The following OR1L8 variants were observed in gnomAD, a reference collection of about 807,000 sequenced individuals.
The protein encoded by OR1L8 is olfactory receptor 1L8.
For missense variants in OR1L8, 330 were observed against 377.4 expected, an observed-to-expected ratio of 0.87 and a Z score of 1.04; for synonymous variants, 148 against 147.0, an observed-to-expected ratio of 1.01 and a Z score of -0.05.
intron 3 of OR1L8, among the ~76,000 whole-genome samples, chr9:122,574,613 T>TAGAC (rs1204465684): frequency 3.4e-5 from 5 of 146,438 alleles, no homozygotes; most frequent in African/African-American, 1.2e-4. Context: ...ATTTTCTATA[T>TAGAC]AGACAATCAA....
chr9:122,568,719 A>G (rs548697655), intron 4 of OR1L8, 30 bp from the exon 5 acceptor site: 34 of 393,414 alleles, frequency 8.6e-5, no homozygotes, highest in East Asian at 6.8e-4. Flanking sequence ...GTTTTCCTTT[A>G]GAAACTTTCA....
At chr9:122,553,950 C>T in the OR1L8 span, 2 of 1,613,934 alleles carry the variant, frequency 1.2e-6, no homozygotes, top group East Asian at 4.5e-5. Flanking sequence ...CTGTGGTTCT[C>T]ATCTCACGGT....
chr9:122,552,570 A>C, the OR1L8 span, among the ~76,000 whole-genome samples: 1 of 151,932 alleles, frequency 6.6e-6, no homozygotes. Context: ...CTAACAGTGG[A>C]TGGGGGAGTA....
the OR1L8 span, among the ~76,000 whole-genome samples, chr9:122,561,127 A>T: frequency 2.0e-5 from 3 of 152,096 alleles, no homozygotes; most frequent in Non-Finnish European, 4.4e-5. Context: ...TTAGCTATTG[A>T]TACTTGCGTA....
At chr9:122,573,180 C>A (rs1829583442) in intron 3 of OR1L8, among the ~76,000 whole-genome samples, 1 of 152,150 alleles carries the variant, frequency 6.6e-6, no homozygotes, top group South Asian at 2.1e-4. Flanking sequence ...GGTGTGCTGA[C>A]CCCTCAGGGG....
intron 1 of OR1L8, among the ~76,000 whole-genome samples, chr9:122,579,398 C>G (rs1384559757): frequency 6.6e-6 from 1 of 152,078 alleles, no homozygotes; most frequent in Non-Finnish European, 1.5e-5. Flanking sequence ...TATCCCTTGT[C>G]TGGAGATTGC....
chr9:122,576,978 C>T (rs950719563), intron 2 of OR1L8, 77 bp from the exon 3 acceptor site: 1 of 152,096 alleles, frequency 6.6e-6, no homozygotes, highest in Non-Finnish European at 1.5e-5. Flanking sequence ...AAGATCCATA[C>T]ATGTTGGACC....
At chr9:122,548,523 G>A in the OR1L8 span, among the ~76,000 whole-genome samples, 1 of 152,104 alleles carries the variant, frequency 6.6e-6, no homozygotes, top group South Asian at 2.1e-4. Flanking sequence ...GACTCATTAG[G>A]AGATGGTTAT....
chr9:122,573,340 G>A (rs1829586396), intron 3 of OR1L8, among the ~76,000 whole-genome samples: 1 of 152,232 alleles, frequency 6.6e-6, no homozygotes, highest in Admixed American at 6.5e-5. Flanking sequence ...AATATCCGAA[G>A]GGAATGCTTC....
At chr9:122,565,222 A>G (rs1829409559), downstream of OR1L8, among the ~76,000 whole-genome samples, 1 of 152,220 alleles carries the variant, frequency 6.6e-6, no homozygotes, top group Non-Finnish European at 1.5e-5. Context: ...ACATGATTGG[A>G]AAATTGATGA....
chr9:122,555,323 C>A, the OR1L8 span, among the ~76,000 whole-genome samples: 1 of 152,158 alleles, frequency 6.6e-6, no homozygotes, highest in Admixed American at 6.6e-5. Flanking sequence ...TTTGGTCATT[C>A]TACCTCTCTC....
chr9:122,556,337 CTG>C, the OR1L8 span, among the ~76,000 whole-genome samples: 2 of 151,040 alleles, frequency 1.3e-5, no homozygotes, highest in South Asian at 2.1e-4. Context: ...GTTGAAGAGA[CTG>C]TTTTCTCCAT....
At chr9:122,553,346 C>T in the OR1L8 span, 4 of 1,613,956 alleles carry the variant, frequency 2.5e-6, no homozygotes, top group Non-Finnish European at 1.7e-6. Context: ...TGGTGGGGAA[C>T]CTGCTCATTA....
chr9:122,547,392 G>A, the OR1L8 span, among the ~76,000 whole-genome samples: 1 of 152,042 alleles, frequency 6.6e-6, no homozygotes, highest in African/African-American at 2.4e-5. Context: ...TATTTTATTT[G>A]TATAAACTTA....
At chr9:122,575,602 C>G (rs1829639231) in intron 3 of OR1L8, among the ~76,000 whole-genome samples, 1 of 152,036 alleles carries the variant, frequency 6.6e-6, no homozygotes, top group Non-Finnish European at 1.5e-5. Flanking sequence ...TCATAGTCAG[C>G]ATGGTTAGAA....
chr9:122,580,120 G>C (rs761182458), intron 1 of OR1L8, among the ~76,000 whole-genome samples: 7 of 152,074 alleles, frequency 4.6e-5, no homozygotes, highest in Non-Finnish European at 7.4e-5. Flanking sequence ...TAAAGCAAAT[G>C]CCTGTCAGCA....
chr9:122,579,988 T>A (rs1016369074), intron 1 of OR1L8, among the ~76,000 whole-genome samples: 1 of 152,158 alleles, frequency 6.6e-6, no homozygotes, highest in African/African-American at 2.4e-5. Flanking sequence ...ATTGAAACTA[T>A]TGAATTCAAG....
chr9:122,581,602 A>G (rs1041754064), intron 1 of OR1L8, among the ~76,000 whole-genome samples: 4 of 152,190 alleles, frequency 2.6e-5, no homozygotes, highest in Admixed American at 1.3e-4. Context: ...GTCTAGAAAT[A>G]CCAAGAAAAT....
chr9:122,581,666 G>A (rs1320464052), intron 1 of OR1L8, among the ~76,000 whole-genome samples: 2 of 152,086 alleles, frequency 1.3e-5, no homozygotes. Flanking sequence ...AAAGACAGAG[G>A]CCGGGCACAG....
Sources: allele counts gnomAD v4.1 joint callset (sites outside exome capture counted in the v4.1 genomes callset), GRCh38; gene constraint gnomAD v4.1.1; transcripts MANE v1.5; gene names NCBI Gene and HGNC (gene_info 2026-07-23, HGNC 2026-07-21).